Variants in MAP4K5 observed in about 807,000 individuals in gnomAD.
The protein encoded by MAP4K5 is mitogen-activated protein kinase kinase kinase kinase 5.
A neutral mutation model predicts 135.6 loss-of-function variants in MAP4K5; 82 were observed. The observed-to-expected ratio is 0.60, with a 90% CI of 0.51 to 0.73. The LOEUF (loss-of-function observed/expected upper bound fraction) is 0.73. Among genes scored for constraint, MAP4K5 ranks in the 30% least tolerant of loss-of-function variants. The pLI, the probability that MAP4K5 is intolerant of heterozygous loss-of-function variation, is 0.00. For missense variants in MAP4K5, 907 were observed against 1,010.9 expected (o/e 0.90, Z 1.39); for synonymous variants, 347 against 335.0 (o/e 1.04, Z -0.39).
At position 50,420,236 on chromosome 14, in the gene MAP4K5, A is replaced by G. The variant is rs2035695423; in HGVS notation, c.2454-130T>C. 6.1e-6 allele frequency: 4 copies of G among 659,216 alleles called. 1 individual carries two copies. In the East Asian group the frequency reaches 1.1e-4, roughly 18 times the overall value. The allele number at this position is 659,216 out of a possible 1,614,324, so 40.8% of individuals were successfully genotyped here. A position where few individuals can be genotyped will look rare whatever the true frequency, so the allele number is the denominator to read the frequency against. On this transcript the variant is annotated intron_variant, in intron 32 of 32. Coordinates refer to ENST00000682126, the MANE Select transcript of MAP4K5 (RefSeq NM_006575.6). Reference sequence around the variant, plus strand: ...ATTACGTAAGGATCACAGACGCACAATCAAATTCAGCTTTACATTTTACAG... The same window carrying G: ...ATTACGTAAGGATCACAGACGCACAGTCAAATTCAGCTTTACATTTTACAG...
intron 1 of MAP4K5, among the ~76,000 whole-genome samples, chr14:50,551,572 AAAAAG>A (rs2038703237): frequency 6.6e-6 from 1 of 152,182 alleles, no homozygotes; most frequent in Non-Finnish European, 1.5e-5. Context: ...GCCATAACAA[AAAAAG>A]AAAACTACAG....
chr14:50,548,313 A>G lies in MAP4K5; in HGVS notation c.-179-5729T>C, dbSNP rs147134755. 8.5e-5 allele frequency among the ~76,000 whole-genome samples: 13 copies of G among 152,282 alleles called. No homozygotes were observed. The East Asian group carries it at 2.3e-3, about 27-fold the overall frequency. On this transcript the variant is annotated intron_variant, in intron 1 of 8. Transcript: ENST00000555216. The stretch of plus-strand genomic sequence containing the variant: ...ATTGTACACCCTAATGAAGAAGAGT[A>G]AAAAATGGGATTGGGCACACATAGA...
chr14:50,538,790 G>C (rs541308473), intron 2 of MAP4K5, among the ~76,000 whole-genome samples: 2 of 152,054 alleles, frequency 1.3e-5, no homozygotes, highest in Non-Finnish European at 2.9e-5. Context: ...TTGGTGATTC[G>C]CTTAACCCTG....
chr14:50,466,022 C>T (rs977739381), intron 11 of MAP4K5, among the ~76,000 whole-genome samples: 7 of 152,142 alleles, frequency 4.6e-5, no homozygotes, highest in Admixed American at 2.0e-4. Flanking sequence ...TGCATTGAGC[C>T]GAGATTGCGC....
At chr14:50,468,036 T>C (rs2036870842) in intron 10 of MAP4K5, among the ~76,000 whole-genome samples, 1 of 152,136 alleles carries the variant, frequency 6.6e-6, no homozygotes, top group Admixed American at 6.5e-5. Flanking sequence ...AAAAAACTTT[T>C]CAGATGCCCT....
At chr14:50,504,440 T>G (rs2037767586) in intron 3 of MAP4K5, among the ~76,000 whole-genome samples, 1 of 152,084 alleles carries the variant, frequency 6.6e-6, no homozygotes, top group Non-Finnish European at 1.5e-5. Context: ...TCAAAGGGAA[T>G]AGCTGACAAA....
At chr14:50,424,650 C>T (rs1314125899) in intron 31 of MAP4K5, among the ~76,000 whole-genome samples, 1 of 142,388 alleles carries the variant, frequency 7.0e-6, no homozygotes, top group Non-Finnish European at 1.5e-5. Context: ...GTGGAGGTTG[C>T]AGTGAGCTGA....
chr14:50,533,589 A>T (rs1460726151), upstream of MAP4K5, among the ~76,000 whole-genome samples: 2 of 152,188 alleles, frequency 1.3e-5, no homozygotes, highest in African/African-American at 2.4e-5. Context: ...GTGTTACATT[A>T]TACTGGCTAA....
At chr14:50,425,678 T>C (rs972593001) in intron 31 of MAP4K5, among the ~76,000 whole-genome samples, 1 of 152,164 alleles carries the variant, frequency 6.6e-6, no homozygotes, top group Non-Finnish European at 1.5e-5. Context: ...ATAAATGAAA[T>C]TGCATGAACT....
intron 16 of MAP4K5, among the ~76,000 whole-genome samples, chr14:50,446,837 C>CAAA (rs1215666661): frequency 1.3e-5 from 2 of 152,166 alleles, no homozygotes; most frequent in African/African-American, 4.8e-5. Context: ...TAGTTATATT[C>CAAA]TAACAAACTT....
chr14:50,516,951 C>A (rs2038046008), intron 2 of MAP4K5, among the ~76,000 whole-genome samples: 1 of 152,076 alleles, frequency 6.6e-6, no homozygotes, highest in African/African-American at 2.4e-5. Flanking sequence ...TATAAGTTTG[C>A]TTCTACCTAC....
intron 6 of MAP4K5, among the ~76,000 whole-genome samples, chr14:50,480,164 TTTTTA>T (rs1473918360): frequency 6.6e-6 from 1 of 152,124 alleles, no homozygotes; most frequent in Non-Finnish European, 1.5e-5. Flanking sequence ...ATTGGTTTTT[TTTTTA>T]TTTTAATTTT....
intron 3 of MAP4K5, among the ~76,000 whole-genome samples, chr14:50,488,162 C>A (rs1465142102): frequency 6.6e-6 from 1 of 152,090 alleles, no homozygotes; most frequent in Admixed American, 6.5e-5. Flanking sequence ...GCAGGCAAGT[C>A]TGACACTGTG....
At chr14:50,436,750 G>C (rs1397795189) in intron 26 of MAP4K5, among the ~76,000 whole-genome samples, 1 of 152,118 alleles carries the variant, frequency 6.6e-6, no homozygotes, top group African/African-American at 2.4e-5. Flanking sequence ...TGTGTGTTCT[G>C]CCACATACCA....
intron 1 of MAP4K5, among the ~76,000 whole-genome samples, chr14:50,557,331 C>T (rs767950444): frequency 2.0e-5 from 3 of 152,188 alleles, no homozygotes; most frequent in African/African-American, 4.8e-5. Context: ...CTATTCCCAC[C>T]CATCTCCCGT....
chr14:50,471,194 T>C (rs1566662387), intron 9 of MAP4K5, among the ~76,000 whole-genome samples: 1 of 152,166 alleles, frequency 6.6e-6, no homozygotes. Flanking sequence ...GTTGTACCAA[T>C]TTCTACTCTC....
At chr14:50,527,455 G>C (rs1194165808) in intron 2 of MAP4K5, among the ~76,000 whole-genome samples, 1 of 150,488 alleles carries the variant, frequency 6.6e-6, no homozygotes, top group Non-Finnish European at 1.5e-5. Flanking sequence ...TTAACGACTA[G>C]GGAAAATGCT....
intron 2 of MAP4K5, among the ~76,000 whole-genome samples, chr14:50,518,701 A>G (rs933583927): frequency 6.6e-6 from 1 of 152,190 alleles, no homozygotes; most frequent in African/African-American, 2.4e-5. Flanking sequence ...TCTTCCGCCC[A>G]ATCTATTAGG....
chr14:50,485,670 TTAGC>T, intron 4 of MAP4K5, 28 bp from the exon 5 acceptor site: 1 of 1,354,512 alleles, frequency 7.4e-7, no homozygotes, highest in Non-Finnish European at 1.0e-6. Context: ...GAAAATTATA[TTAGC>T]TAGTAATTTT....
Sources: allele counts gnomAD v4.1 joint callset (sites outside exome capture counted in the v4.1 genomes callset), GRCh38; gene constraint gnomAD v4.1.1; transcripts MANE v1.5; gene names NCBI Gene and HGNC (gene_info 2026-07-23, HGNC 2026-07-21).